Variants in PPARA observed in about 807,000 individuals in gnomAD.
PPARA encodes the protein peroxisome proliferator-activated receptor alpha.
In PPARA, 22 loss-of-function variants were observed where a neutral mutation model predicts 42.2. The observed-to-expected ratio is 0.52, with a 90% CI of 0.37 to 0.74. The LOEUF (loss-of-function observed/expected upper bound fraction) is 0.74, where lower values mean the gene tolerates loss of function less well. PPARA is among the 30% of genes least tolerant of loss of function. The pLI, the probability that PPARA is intolerant of heterozygous loss-of-function variation, is 0.00. For synonymous variants in PPARA, 242 were observed against 239.3 expected, an observed-to-expected ratio of 1.01 and a Z score of -0.10; for missense variants, 465 against 608.2, an observed-to-expected ratio of 0.76 and a Z score of 2.48.
intron 2 of PPARA, among the ~76,000 whole-genome samples, chr22:46,154,619 AAAAT>A (rs1448028194): frequency 2.6e-5 from 4 of 152,106 alleles, no homozygotes; most frequent in African/African-American, 4.8e-5. Flanking sequence ...CTGGTCTCAA[AAAAT>A]AAATAAATAT....
chr22:46,153,717 G>C (rs1165262057), intron 2 of PPARA, among the ~76,000 whole-genome samples: 1 of 152,018 alleles, frequency 6.6e-6, no homozygotes, highest in Non-Finnish European at 1.5e-5. Flanking sequence ...AAATTAGCTG[G>C]GCATGGTGGC....
rs1222247364 is a variant in PPARA, at chr22:46,232,880, G to A, written c.1159+641G>A. On this transcript the variant is annotated intron_variant, in intron 8 of 8. Transcript: ENST00000407236. The surrounding 1 kb of genome is among the most constrained non-coding windows in gnomAD (Gnocchi z 5.3). ...ACCTGTAGTCCCAGCTACTTGAGAGGCTGAGGTGGGAGGATCACTTAAGCC... is the reference window on the plus strand; with the variant it reads ...ACCTGTAGTCCCAGCTACTTGAGAGACTGAGGTGGGAGGATCACTTAAGCC... Among the ~76,000 whole-genome samples the A allele has an allele frequency of 6.0e-5, 9 of 150,368 alleles. No individual in the cohort carries two copies. The highest frequency in any genetic ancestry group is 1.2e-4 in the Non-Finnish European group (8 of 67,652).
chr22:46,218,448 C>T, intron 6 of PPARA, 47 bp downstream of exon 6: 1 of 1,611,872 alleles, frequency 6.2e-7, no homozygotes, highest in Non-Finnish European at 8.5e-7. Context: ...TCCTCAGTTC[C>T]CCTTCCTTGC....
intron 2 of PPARA, among the ~76,000 whole-genome samples, chr22:46,169,789 C>G (rs1927701742): frequency 6.6e-6 from 1 of 151,938 alleles, no homozygotes; most frequent in Non-Finnish European, 1.5e-5. Flanking sequence ...GATGGATATA[C>G]TATGTTCATG....
rs184796901 is a variant in PPARA, at chr22:46,179,731, G to A, written c.-43+2895G>A. Among the ~76,000 whole-genome samples, 19 of 151,784 alleles carry A rather than the reference G, an allele frequency of 1.3e-4. No individual in the cohort carries two copies. In the East Asian group the frequency reaches 3.7e-3, roughly 29 times the overall value. ...TCAATAAATTGAACTTCATCAAAATGAAACTTTTACTGTTCAAAAGACAGT... is the reference window on the plus strand; with the variant it reads ...TCAATAAATTGAACTTCATCAAAATAAAACTTTTACTGTTCAAAAGACAGT... On this transcript the variant is annotated intron_variant, in intron 3 of 8. Coordinates refer to ENST00000407236, the MANE Select transcript of PPARA (RefSeq NM_005036.6).
chr22:46,180,471 T>G lies in PPARA; in HGVS notation c.-43+3635T>G, dbSNP rs1057325852. 6.6e-6 allele frequency among the ~76,000 whole-genome samples: 1 copy of G among 152,328 alleles called. No homozygotes were observed. Among genetic ancestry groups the G allele is most frequent in the South Asian group, 2.1e-4 (1 of 4,832 alleles). On this transcript the variant is annotated intron_variant, in intron 3 of 8. Coordinates refer to ENST00000407236, the MANE Select transcript of PPARA (RefSeq NM_005036.6). This position sits in a 1 kb window ranked among gnomAD's most constrained non-coding sequence, Gnocchi z 4.2. ...AAACATTAATCTTATCTAGCCTCCA[T>G]GTATTTTGTAAGTTCTGTAAATTCC...
intron 5 of PPARA, 91 bp from the exon 6 acceptor site, chr22:46,218,172 A>G: frequency 6.6e-7 from 1 of 1,509,482 alleles, no homozygotes; most frequent in South Asian, 1.2e-5. Flanking sequence ...AAAAAGAAAC[A>G]ATAAATGAGC....
chr22:46,200,635 G>A lies in PPARA; in HGVS notation c.208+2044G>A, dbSNP rs1932790726. 6.6e-6 allele frequency among the ~76,000 whole-genome samples: 1 copy of A among 152,270 alleles called. No individual in the cohort carries two copies. Among genetic ancestry groups the A allele is most frequent in the Admixed American group, 6.5e-5 (1 of 15,288 alleles). On this transcript the variant is annotated intron_variant, in intron 4 of 8. Transcript: ENST00000407236. The surrounding 1 kb of genome is among the most constrained non-coding windows in gnomAD (Gnocchi z 4.8). ...AAGCTCAGAGAAATTAAGTAACTTG[G>A]CTGGGCGCAGTGGCTCACGCCTGTA...
At position 46,243,424 on chromosome 22, in the gene PPARA, CCT is replaced by C. The variant is rs2147759491; in HGVS notation, c.*8050_*8051del. On this transcript the variant is annotated 3_prime_UTR_variant, in exon 9 of 9. Coordinates refer to ENST00000407236, the MANE Select transcript of PPARA (RefSeq NM_005036.6). This position sits in a 1 kb window ranked among gnomAD's most constrained non-coding sequence, Gnocchi z 5.0. ...CCAGCATCCTCTCTCCAACTTCATA[CCT>C]CTCTCCTGGTGGGGGGAGCGGGCAT... The C allele has an allele frequency of 6.6e-6, 1 of 152,310 alleles. No homozygotes were observed. The highest frequency in any genetic ancestry group is 2.4e-5 in the African/African-American group (1 of 41,566). 9.4% of individuals were successfully genotyped at this position (152,310 alleles called of 1,614,324 possible).
Position 46,231,913 on chromosome 22 carries a change from GCACGTC to G in PPARA, c.834_839del (p.Cys278_Ser280delinsTer), listed in dbSNP as rs1935899813. On this transcript the variant is annotated stop_gained and inframe_deletion, in exon 8 of 9. Coordinates refer to ENST00000407236, the MANE Select transcript of PPARA (RefSeq NM_005036.6). LOFTEE classifies it high-confidence loss of function. This position sits in a 1 kb window ranked among gnomAD's most constrained non-coding sequence, Gnocchi z 7.7. ...GTCCGCATCTTTCACTGCTGCCAGT[GCACGTC>G]AGTGGAGACCGTCACGGAGCTCACG... 6.2e-7 allele frequency: 1 copy of G among 1,614,096 alleles called. No homozygotes were observed. Among genetic ancestry groups the G allele is most frequent in the African/African-American group, 1.3e-5 (1 of 74,940 alleles).
rs1935557222 is a variant in PPARA at position 46,227,583 on chromosome 22, T to C, written c.712-4209T>C. 6.6e-6 allele frequency among the ~76,000 whole-genome samples: 1 copy of C among 152,164 alleles called. No individual in the cohort carries two copies. Among genetic ancestry groups the C allele is most frequent in the Non-Finnish European group, 1.5e-5 (1 of 68,028 alleles). On this transcript the variant is annotated intron_variant, in intron 7 of 8. Coordinates refer to ENST00000407236, the MANE Select transcript of PPARA (RefSeq NM_005036.6). This position sits in a 1 kb window ranked among gnomAD's most constrained non-coding sequence, Gnocchi z 4.3. ...TAATTTTTTGCAAAAAGATGACAGCTGCTAACAGAGATGAATTCTCATGAG... is the reference window on the plus strand; with the variant it reads ...TAATTTTTTGCAAAAAGATGACAGCCGCTAACAGAGATGAATTCTCATGAG...
At chr22:46,157,510 T>C (rs935815876) in intron 2 of PPARA, among the ~76,000 whole-genome samples, 18 of 152,212 alleles carry the variant, frequency 1.2e-4, no homozygotes, top group Non-Finnish European at 2.6e-4. Context: ...ACAGCGGTGT[T>C]AGGAAGGTGA....
Position 46,222,957 on chromosome 22 carries a change from C to G in PPARA, c.711+2943C>G, listed in dbSNP as rs181767964. On this transcript the variant is annotated intron_variant, in intron 7 of 8. Transcript: ENST00000407236. The surrounding 1 kb of genome is among the most constrained non-coding windows in gnomAD (Gnocchi z 5.9). ...GGAGGATGGCTTGAGCCCAGGAGTTCAAAACCAACCTGGGCAACATGGCAA... is the reference window on the plus strand; with the variant it reads ...GGAGGATGGCTTGAGCCCAGGAGTTGAAAACCAACCTGGGCAACATGGCAA... Among the ~76,000 whole-genome samples the G allele has an allele frequency of 1.2e-3, 176 of 152,244 alleles. 2 individuals are homozygous for G. Among genetic ancestry groups the G allele is most frequent in the Non-Finnish European group, 1.3e-3 (86 of 68,014 alleles).
rs760597358 is a variant in PPARA, at chr22:46,219,799, C to T, written c.509-13C>T. On this transcript the variant is annotated splice_polypyrimidine_tract_variant and intron_variant, in intron 6 of 8. Transcript: ENST00000407236. The surrounding 1 kb of genome is among the most constrained non-coding windows in gnomAD (Gnocchi z 4.8). Reference sequence around the variant, plus strand: ...TCACTGCTCATGCCTGTGTTTCCCCCTCCAAACCCTAGCGATTCGTTTTGG... The same window carrying T: ...TCACTGCTCATGCCTGTGTTTCCCCTTCCAAACCCTAGCGATTCGTTTTGG... 7.4e-6 allele frequency: 12 copies of T among 1,614,054 alleles called. No homozygotes were observed. The East Asian group carries it at 2.7e-4, about 36-fold the overall frequency.
intron 5 of PPARA, among the ~76,000 whole-genome samples, chr22:46,217,142 C>A (rs1165763090): frequency 1.3e-5 from 2 of 152,078 alleles, no homozygotes; most frequent in East Asian, 3.9e-4. Flanking sequence ...CCCATTCTAA[C>A]CCCATGCGTT....
intron 3 of PPARA, among the ~76,000 whole-genome samples, chr22:46,194,013 A>G (rs1443739013): frequency 6.6e-6 from 1 of 152,182 alleles, no homozygotes; most frequent in Non-Finnish European, 1.5e-5. Flanking sequence ...CTTCCCCGGG[A>G]TATTCTGCTC....
chr22:46,189,389 G>A (rs1261783071), intron 3 of PPARA, among the ~76,000 whole-genome samples: 1 of 152,208 alleles, frequency 6.6e-6, no homozygotes, highest in East Asian at 1.9e-4. Flanking sequence ...AGGTGGAGGA[G>A]CTCACAGCTC....
rs1199127892 is a variant in PPARA, at chr22:46,161,764, C to T, written c.-127+9794C>T. On this transcript the variant is annotated intron_variant, in intron 2 of 8. Coordinates refer to ENST00000407236, the MANE Select transcript of PPARA (RefSeq NM_005036.6). The surrounding 1 kb of genome is among the most constrained non-coding windows in gnomAD (Gnocchi z 4.8). ...ACCAGGTGAGCAGATGTGGACTTTCCGACTGTGTGTGTGCGACTTCCTCAG... is the reference window on the plus strand; with the variant it reads ...ACCAGGTGAGCAGATGTGGACTTTCTGACTGTGTGTGTGCGACTTCCTCAG... Among the ~76,000 whole-genome samples the T allele has an allele frequency of 2.6e-5, 4 of 152,202 alleles. No homozygotes were observed. The highest frequency in any genetic ancestry group is 2.1e-4 in the South Asian group (1 of 4,832).
At position 46,241,498 on chromosome 22, in the gene PPARA, G is replaced by C. The variant is rs934406573; in HGVS notation, c.*6118G>C. On this transcript the variant is annotated 3_prime_UTR_variant, in exon 9 of 9. Coordinates refer to ENST00000407236, the MANE Select transcript of PPARA (RefSeq NM_005036.6). The surrounding 1 kb of genome is among the most constrained non-coding windows in gnomAD (Gnocchi z 5.7). ...CTTAAACGTTATTTCAGTGGCATGG[G>C]CTGGAAGCTTATCACAAAAAGCCAT... The C allele has an allele frequency of 6.6e-6, 1 of 152,192 alleles. No individual in the cohort carries two copies. Among genetic ancestry groups the C allele is most frequent in the East Asian group, 1.9e-4 (1 of 5,200 alleles). 9.4% of individuals were successfully genotyped at this position (152,192 alleles called of 1,614,324 possible).
Sources: gnomAD v4.1 joint callset for allele counts (sites outside exome capture counted in the v4.1 genomes callset) on GRCh38, gnomAD v4.1.1 for gene constraint, Gnocchi (gnomAD v3.1) non-coding constraint, MANE v1.5 for transcripts, NCBI Gene and HGNC (gene_info 2026-07-23, HGNC 2026-07-21) for gene names.